FGD4: variants seen among roughly 807,000 people sequenced by gnomAD.
The protein encoded by FGD4 is FYVE, RhoGEF and PH domain-containing protein 4.
Under a neutral mutation model 102.0 loss-of-function variants are expected in FGD4, and 42 were observed. That is an observed-to-expected ratio of 0.41 (90% CI 0.32 to 0.53). The LOEUF is 0.53. FGD4 is among the 20% of genes least tolerant of loss of function. The pLI, the probability that FGD4 is intolerant of heterozygous loss-of-function variation, is 0.21. For synonymous variants in FGD4, 380 were observed against 375.7 expected (o/e 1.01, Z -0.13); for missense variants, 902 against 1,078.2 (o/e 0.84, Z 2.29).
At chr12:32,576,953 C>A (rs1946173991) in intron 3 of FGD4, among the ~76,000 whole-genome samples, 1 of 152,056 alleles carries the variant, frequency 6.6e-6, no homozygotes, top group South Asian at 2.1e-4. Flanking sequence ...TCCCGGTTTC[C>A]CCTCTCCATA....
chr12:32,571,910 A>G (rs1565856623), intron 2 of FGD4, among the ~76,000 whole-genome samples: 1 of 152,262 alleles, frequency 6.6e-6, no homozygotes, highest in East Asian at 1.9e-4. Flanking sequence ...CTATTTCAAA[A>G]GAAAATGAAG....
chr12:32,515,989 A>T (rs1939841856), intron 1 of FGD4, among the ~76,000 whole-genome samples: 1 of 152,248 alleles, frequency 6.6e-6, no homozygotes, highest in South Asian at 2.1e-4. Context: ...GTCTTCAACC[A>T]GTAACTTGAT....
chr12:32,600,180 T>C (rs1948278836), intron 5 of FGD4, among the ~76,000 whole-genome samples: 1 of 152,244 alleles, frequency 6.6e-6, no homozygotes, highest in Non-Finnish European at 1.5e-5. Context: ...ATATGAAGTT[T>C]GTACCTTTGA....
Position 32,633,551 on chromosome 12 carries a change from G to A in FGD4, c.2175G>A (p.Val725=), listed in dbSNP as rs1178559915. 6.2e-7 allele frequency: 1 copy of A among 1,612,956 alleles called. No individual in the cohort carries two copies. Among genetic ancestry groups the A allele is most frequent in the South Asian group, 1.1e-5 (1 of 90,996 alleles). Residue 725 remains valine, a splice_region_variant and synonymous_variant, in exon 15 of 17, where the codon GTG becomes GTA. Coordinates refer to ENST00000534526, the MANE Select transcript of FGD4 (RefSeq NM_001370298.3). ...RRHHCRACGY[V]VCWKCSDYKA... is the part of the protein sequence containing the mutation. ...TTCATTTTTCTTTTAAATTTAAGGT[G>A]GTTTGTTGGAAATGCTCCGACTACA... is the stretch of plus-strand genomic sequence containing the variant.
rs557850467 is a variant in FGD4 at position 32,423,111 on chromosome 12, A to T, written c.166+23152A>T. Reference sequence around the variant, plus strand: ...TATTGTTTATCTTTAGCAATGGAAAAATCATTTCCTCCTGATATTCTTTAT... The same window carrying T: ...TATTGTTTATCTTTAGCAATGGAAATATCATTTCCTCCTGATATTCTTTAT... On this transcript the variant is annotated intron_variant, in intron 1 of 16. Coordinates refer to ENST00000534526, the MANE Select transcript of FGD4 (RefSeq NM_001370298.3). Among the ~76,000 whole-genome samples the T allele has an allele frequency of 9.2e-5, 14 of 152,278 alleles. No homozygotes were observed. The South Asian group carries it at 2.5e-3, about 27-fold the overall frequency.
At chr12:32,636,448 G>A (rs572274771) in intron 15 of FGD4, among the ~76,000 whole-genome samples, 35 of 151,932 alleles carry the variant, frequency 2.3e-4, no homozygotes, top group African/African-American at 6.3e-4. Flanking sequence ...CAGGATAATC[G>A]CTTGAACCTG....
At position 32,415,836 on chromosome 12, in the gene FGD4, TTGAA is replaced by T. The variant is rs1256854330; in HGVS notation, c.166+15878_166+15881del. Among the ~76,000 whole-genome samples, 6 of 152,254 alleles carry T rather than the reference TTGAA, an allele frequency of 3.9e-5. No individual in the cohort carries two copies. In the East Asian group the frequency reaches 1.2e-3, roughly 29 times the overall value. ...TATGTGTTTTCTTACAGTTTTTCTC[TTGAA>T]ACCTATTTCATCTGATATAAGTATA... On this transcript the variant is annotated intron_variant, in intron 1 of 16. Coordinates refer to ENST00000534526, the MANE Select transcript of FGD4 (RefSeq NM_001370298.3).
chr12:32,406,641 A>G (rs78449205), intron 1 of FGD4, among the ~76,000 whole-genome samples: 9,511 of 152,184 alleles, frequency 0.062, 425 homozygotes, highest in Middle Eastern at 0.14. Context: ...ATGGATCTGC[A>G]TTTTTAAAAA....
At chr12:32,466,738 C>T (rs1943261199) in intron 1 of FGD4, among the ~76,000 whole-genome samples, 1 of 151,726 alleles carries the variant, frequency 6.6e-6, no homozygotes, top group South Asian at 2.1e-4. Context: ...CGTGGTGGCG[C>T]ATGCTTGTAA....
At chr12:32,628,043 G>A (rs1237331226) in intron 14 of FGD4, among the ~76,000 whole-genome samples, 4 of 152,154 alleles carry the variant, frequency 2.6e-5, no homozygotes. Context: ...ACACAGTCCC[G>A]GGGGTGACCA....
chr12:32,412,951 C>A (rs905602459), intron 1 of FGD4, among the ~76,000 whole-genome samples: 3 of 127,468 alleles, frequency 2.4e-5, no homozygotes, highest in Non-Finnish European at 3.1e-5. Flanking sequence ...TGGTGCATGC[C>A]TGTGGTCCCA....
intron 1 of FGD4, among the ~76,000 whole-genome samples, chr12:32,423,737 A>C (rs1200609413): frequency 2.6e-5 from 4 of 152,024 alleles, no homozygotes; most frequent in Non-Finnish European, 5.9e-5. Flanking sequence ...ATTATTCATG[A>C]GTTTTCCAGG....
At chr12:32,456,828 A>G (rs543228355) in intron 1 of FGD4, among the ~76,000 whole-genome samples, 47 of 152,316 alleles carry the variant, frequency 3.1e-4, no homozygotes, top group African/African-American at 1.1e-3. Context: ...TAAAGGAACA[A>G]ATAACCTGCC....
In FGD4 at chr12:32,544,985, C is replaced by G. The variant is rs369634636; in HGVS notation, c.167-19152C>G. Among the ~76,000 whole-genome samples the G allele has an allele frequency of 5.9e-5, 9 of 152,156 alleles. 2 individuals carry two copies. The highest frequency in any genetic ancestry group is 2.2e-4 in the African/African-American group (9 of 41,452). The stretch of plus-strand genomic sequence containing the variant: ...GACTTAAGTGGTTTGGGGTGCAACC[C>G]AGGTATTGCAGTTTTCTTTCTTAAA... On this transcript the variant is annotated intron_variant, in intron 1 of 16. Coordinates refer to ENST00000534526, the MANE Select transcript of FGD4 (RefSeq NM_001370298.3). This position sits in a 1 kb window ranked among gnomAD's most constrained non-coding sequence, Gnocchi z 4.1.
At chr12:32,600,316 C>A (rs539651738) in intron 5 of FGD4, 23 of 419,874 alleles carry the variant, frequency 5.5e-5, no homozygotes, top group South Asian at 5.0e-4. Context: ...GCCACTGCTG[C>A]TGACCTTTTA....
At chr12:32,579,041 T>G (rs920034476) in intron 3 of FGD4, among the ~76,000 whole-genome samples, 23 of 114,132 alleles carry the variant, frequency 2.0e-4, no homozygotes, top group Admixed American at 5.2e-4. Flanking sequence ...CATTAGTGGT[T>G]TTTTTTTTTT....
intron 4 of FGD4, 66 bp from the exon 5 acceptor site, chr12:32,598,429 CGT>C: frequency 9.3e-7 from 1 of 1,075,436 alleles, no homozygotes; most frequent in Non-Finnish European, 1.4e-6. Context: ...TTTGAAGAAG[CGT>C]TTTTTACTTT....
At chr12:32,554,665 G>A (rs1472291647) in intron 1 of FGD4, among the ~76,000 whole-genome samples, 2 of 152,236 alleles carry the variant, frequency 1.3e-5, no homozygotes, top group African/African-American at 4.8e-5. Context: ...CTATAAAGTA[G>A]GGGTCGGACT....
Position 32,601,428 on chromosome 12 carries a change from G to A in FGD4, c.1247+5G>A. The A allele has an allele frequency of 4.3e-6, 7 of 1,612,526 alleles. No individual in the cohort carries two copies. Among genetic ancestry groups the A allele is most frequent in the Non-Finnish European group, 5.9e-6 (7 of 1,179,088 alleles). On this transcript the variant is annotated splice_donor_5th_base_variant and intron_variant, in intron 6 of 16. Transcript: ENST00000534526. Reference sequence around the variant, plus strand: ...GGAGAAACGAATGCAAGAATGGTAAGAGGAGTAGATAGAAAATGATATGTT... The same window carrying A: ...GGAGAAACGAATGCAAGAATGGTAAAAGGAGTAGATAGAAAATGATATGTT...
Sources: allele counts gnomAD v4.1 joint callset (sites outside exome capture counted in the v4.1 genomes callset), GRCh38; gene constraint gnomAD v4.1.1; non-coding constraint Gnocchi (gnomAD v3.1); transcripts MANE v1.5; gene names NCBI Gene and HGNC (gene_info 2026-07-23, HGNC 2026-07-21).